The following ZBTB40 variants were observed in gnomAD, a reference collection of about 807,000 sequenced individuals.
ZBTB40 encodes the protein zinc finger and BTB domain containing 40.
A neutral mutation model predicts 117.5 loss-of-function variants in ZBTB40; 60 were observed. The observed-to-expected ratio is 0.51, with a 90% confidence interval of 0.41 to 0.63. The LOEUF (loss-of-function observed/expected upper bound fraction) is 0.63, where lower values mean the gene tolerates loss of function less well. ZBTB40 is among the 30% of genes least tolerant of loss of function. ZBTB40 has a pLI of 0.00. For synonymous variants in ZBTB40, 525 were observed against 577.1 expected (o/e 0.91, Z 1.29); for missense variants, 1,287 against 1,498.5 (o/e 0.86, Z 2.33).
chr1:22,501,305 A>G (rs1427636461), intron 3 of ZBTB40, among the ~76,000 whole-genome samples, 187 bp from the exon 4 acceptor site: 1 of 152,254 alleles, frequency 6.6e-6, no homozygotes, highest in Non-Finnish European at 1.5e-5. Flanking sequence ...CCTCCAGAAG[A>G]CAGGGGCAGG....
rs1491106227 is a variant in ZBTB40, at chr1:22,493,792, ATG to A, written c.831+2261_831+2262del. The stretch of plus-strand genomic sequence containing the variant: ...AGCGTAAGTATCTTGAGATTCACCC[ATG>A]TTTTTTTTTTTTTTTCCTTTTTTCT... On this transcript the variant is annotated intron_variant, in intron 3 of 17. Coordinates refer to ENST00000375647, the MANE Select transcript of ZBTB40 (RefSeq NM_014870.4). Among the ~76,000 whole-genome samples the A allele has an allele frequency of 5.4e-3, 698 of 130,016 alleles. 4 individuals carry two copies. The highest frequency in any genetic ancestry group is 0.02 in the African/African-American group (648 of 32,748). The allele number at this position is 130,016 out of a possible 152,430, so 85.3% of individuals were successfully genotyped here.
chr1:22,487,120 T>C (rs1638492970), intron 1 of ZBTB40, among the ~76,000 whole-genome samples: 1 of 152,234 alleles, frequency 6.6e-6, no homozygotes, highest in Admixed American at 6.5e-5. Flanking sequence ...CTGTGACCTT[T>C]CTTTTCTGAC....
At chr1:22,481,050 C>T (rs1398968768) in intron 1 of ZBTB40, among the ~76,000 whole-genome samples, 1 of 152,158 alleles carries the variant, frequency 6.6e-6, no homozygotes, top group East Asian at 1.9e-4. Context: ...TTTGAAACCC[C>T]TGTAGGCCAC....
chr1:22,529,660 G>A lies in ZBTB40; in HGVS notation c.*3264G>A, dbSNP rs1431293010. ...ATGGGTAAAGAGACATGAAGAGACA[G>A]CCTCTCTCTTCTGTCTCAGAAGCTC... On this transcript the variant is annotated 3_prime_UTR_variant, in exon 18 of 18. Transcript: ENST00000375647. The A allele has an allele frequency of 6.6e-6, 1 of 152,258 alleles. No individual in the cohort carries two copies. Among genetic ancestry groups the A allele is most frequent in the African/African-American group, 2.4e-5 (1 of 41,430 alleles). 9.4% of individuals were successfully genotyped at this position (152,258 alleles called of 1,614,324 possible).
chr1:22,461,667 A>G (rs1228054675), intron 1 of ZBTB40, among the ~76,000 whole-genome samples: 1 of 152,186 alleles, frequency 6.6e-6, no homozygotes, highest in Non-Finnish European at 1.5e-5. Context: ...GAGTAGTGTG[A>G]TAGGACAGTG....
intron 5 of ZBTB40, among the ~76,000 whole-genome samples, chr1:22,502,858 A>G (rs769544191): frequency 1.3e-5 from 2 of 152,198 alleles, no homozygotes; most frequent in Non-Finnish European, 2.9e-5. Context: ...TTTCCTCTTT[A>G]TAGAAATGTA....
At chr1:22,430,562 C>G (rs191521588) in intron 1 of ZBTB40, among the ~76,000 whole-genome samples, 1 of 152,180 alleles carries the variant, frequency 6.6e-6, no homozygotes, top group Admixed American at 6.5e-5. Flanking sequence ...GCCTCAACCT[C>G]CCTGGCTTAG....
At chr1:22,465,043 C>T (rs1262056408) in intron 1 of ZBTB40, among the ~76,000 whole-genome samples, 1 of 152,130 alleles carries the variant, frequency 6.6e-6, no homozygotes, top group Non-Finnish European at 1.5e-5. Flanking sequence ...GGTATGCAGA[C>T]AAGTGAAGGG....
chr1:22,455,896 A>T (rs1640993534), intron 1 of ZBTB40, among the ~76,000 whole-genome samples: 1 of 152,164 alleles, frequency 6.6e-6, no homozygotes, highest in Non-Finnish European at 1.5e-5. Context: ...CTGAAATAAA[A>T]TAGATTGAAA....
At chr1:22,476,712 G>T (rs1641556450) in intron 1 of ZBTB40, among the ~76,000 whole-genome samples, 2 of 152,178 alleles carry the variant, frequency 1.3e-5, no homozygotes, top group Non-Finnish European at 2.9e-5. Context: ...TTCTATATCA[G>T]TATAGTCTTT....
intron 12 of ZBTB40, among the ~76,000 whole-genome samples, chr1:22,516,479 C>CTG (rs58097243): frequency 0.79 from 119,523 of 151,906 alleles, 47,599 homozygotes; most frequent in African/African-American, 0.9. Flanking sequence ...CATCTAGAAA[C>CTG]AGGATTGAGA....
rs754821502 is a variant in ZBTB40, at chr1:22,530,534, G to C, written c.*4138G>C. 6.6e-6 allele frequency: 1 copy of C among 152,286 alleles called. No individual in the cohort carries two copies. The highest frequency in any genetic ancestry group is 1.5e-5 in the Non-Finnish European group (1 of 68,032). The allele number at this position is 152,286 out of a possible 1,614,324, so 9.4% of individuals were successfully genotyped here. ...AATTAAGATTGCTTCCAAATTGGGG[G>C]AATGTGTGTCATTTCCTTTACCAAG... On this transcript the variant is annotated 3_prime_UTR_variant, in exon 18 of 18. Transcript: ENST00000375647.
At chr1:22,508,798 T>C (rs925596595) in intron 8 of ZBTB40, 67 bp downstream of exon 8, 133 of 1,510,388 alleles carry the variant, frequency 8.8e-5, no homozygotes, top group South Asian at 2.6e-4. Flanking sequence ...TCCTAGAAAA[T>C]AGGAAGAGCT....
chr1:22,461,379 G>A (rs998268089), intron 1 of ZBTB40, among the ~76,000 whole-genome samples: 2 of 146,112 alleles, frequency 1.4e-5, no homozygotes, highest in Admixed American at 6.9e-5. Context: ...TGAAATTTCC[G>A]TATATTCCTT....
chr1:22,472,364 T>G (rs1569800162), intron 1 of ZBTB40, among the ~76,000 whole-genome samples: 1 of 152,144 alleles, frequency 6.6e-6, no homozygotes, highest in East Asian at 1.9e-4. Flanking sequence ...TTTGTGTTTC[T>G]TGTAGAGACG....
chr1:22,435,020 T>G (rs1640651856), intron 1 of ZBTB40, among the ~76,000 whole-genome samples: 1 of 146,148 alleles, frequency 6.8e-6, no homozygotes. Context: ...CTTCATTAAT[T>G]TTTTTTTTTT....
intron 1 of ZBTB40, among the ~76,000 whole-genome samples, chr1:22,464,080 A>G (rs892617057): frequency 6.6e-6 from 1 of 152,244 alleles, no homozygotes; most frequent in Non-Finnish European, 1.5e-5. Context: ...AGCACTTGCT[A>G]TGTCCCTGGC....
chr1:22,514,875 G>C (rs1381637734), intron 12 of ZBTB40, among the ~76,000 whole-genome samples: 1 of 152,176 alleles, frequency 6.6e-6, no homozygotes, highest in African/African-American at 2.4e-5. Flanking sequence ...TATTTGCTGA[G>C]TGAATGAATT....
intron 1 of ZBTB40, among the ~76,000 whole-genome samples, chr1:22,431,432 G>A (rs890965495): frequency 7.3e-6 from 1 of 137,074 alleles, no homozygotes; most frequent in Admixed American, 7.8e-5. Context: ...ATTGTTATAC[G>A]TCCTCAGTGT....
Sources: allele counts gnomAD v4.1 joint callset (sites outside exome capture counted in the v4.1 genomes callset), GRCh38; gene constraint gnomAD v4.1.1; transcripts MANE v1.5; gene names NCBI Gene and HGNC (gene_info 2026-07-23, HGNC 2026-07-21).